Variants in NEK10 observed in about 807,000 individuals in gnomAD.
NEK10 encodes serine/threonine-protein kinase Nek10.
NEK10 carries 122 observed loss-of-function variants against 159.8 expected under a neutral mutation model. The observed-to-expected ratio is 0.76, with a 90% CI of 0.66 to 0.89. The LOEUF (loss-of-function observed/expected upper bound fraction) is 0.89, where lower values mean the gene tolerates loss of function less well. NEK10 is among the 40% of genes least tolerant of loss of function. The pLI, the probability that NEK10 is intolerant of heterozygous loss-of-function variation, is 0.00. For missense variants in NEK10, 1,342 were observed against 1,323.1 expected (o/e 1.01, Z -0.22); for synonymous variants, 466 against 457.1 (o/e 1.02, Z -0.25).
chr3:27,195,512 T>C (rs759021319), intron 25 of NEK10, among the ~76,000 whole-genome samples: 8 of 152,210 alleles, frequency 5.3e-5, no homozygotes, highest in Non-Finnish European at 8.8e-5. Flanking sequence ...TAAATGAAAA[T>C]AAATTTATTA....
chr3:27,128,937 C>T (rs1223368988), intron 32 of NEK10, among the ~76,000 whole-genome samples: 1 of 152,096 alleles, frequency 6.6e-6, no homozygotes, highest in East Asian at 1.9e-4. Context: ...AGTTTCTCGA[C>T]TATTTCAATG....
intron 3 of NEK10, among the ~76,000 whole-genome samples, chr3:27,348,717 C>G (rs903424881): frequency 9.2e-5 from 14 of 152,098 alleles, no homozygotes; most frequent in Non-Finnish European, 1.2e-4. Flanking sequence ...ACCTCTCTTT[C>G]AAAACTTATC....
intron 14 of NEK10, among the ~76,000 whole-genome samples, chr3:27,295,996 A>T (rs187611060): frequency 6.6e-6 from 1 of 152,302 alleles, no homozygotes; most frequent in African/African-American, 2.4e-5. Context: ...GACAGAGTAA[A>T]GGTGTCCCAA....
At position 27,212,988 on chromosome 3, in the gene NEK10, T is replaced by C. The variant is rs557707503; in HGVS notation, c.2091-10431A>G. ...ACAGGAAATATCCTCTCCATTTACA[T>C]TGGGCATACCCCAAGTAAATGACTG... On this transcript the variant is annotated intron_variant, in intron 23 of 35. Coordinates refer to ENST00000691995, the MANE Select transcript of NEK10 (RefSeq NM_001394966.1). Among the ~76,000 whole-genome samples, 38 of 89,850 alleles carry C rather than the reference T, an allele frequency of 4.2e-4. No individual in the cohort carries two copies. In the East Asian group the frequency reaches 5.3e-3, roughly 13 times the overall value. 58.9% of individuals were successfully genotyped at this position (89,850 alleles called of 152,430 possible).
intron 25 of NEK10, among the ~76,000 whole-genome samples, chr3:27,195,796 C>T (rs1949507888): frequency 6.6e-6 from 1 of 152,100 alleles, no homozygotes; most frequent in Admixed American, 6.5e-5. Flanking sequence ...TCTCTCATTG[C>T]CCCCTTTACC....
chr3:27,361,388 G>C (rs989028964), intron 1 of NEK10, among the ~76,000 whole-genome samples: 6 of 152,106 alleles, frequency 3.9e-5, no homozygotes, highest in Non-Finnish European at 8.8e-5. Flanking sequence ...ATATTGAAAA[G>C]AGGAAAAAAG....
intron 23 of NEK10, among the ~76,000 whole-genome samples, chr3:27,231,002 G>A (rs1011951718): frequency 6.6e-6 from 1 of 151,848 alleles, no homozygotes; most frequent in African/African-American, 2.4e-5. Flanking sequence ...CTATATCCTA[G>A]AACAAATGGA....
At chr3:27,257,788 CTTTTTTTTTT>C (rs79727702) in intron 22 of NEK10, among the ~76,000 whole-genome samples, 23,893 of 130,718 alleles carry the variant, frequency 0.18, 2,115 homozygotes, top group Middle Eastern at 0.22. Flanking sequence ...TTTCTTTTTT[CTTTTTTTTTT>C]TTTTTTTTGA....
chr3:27,196,701 G>A (rs946425554), intron 25 of NEK10, among the ~76,000 whole-genome samples: 4 of 152,184 alleles, frequency 2.6e-5, no homozygotes, highest in Admixed American at 1.3e-4. Context: ...TCAAAGCAAC[G>A]TCTCTGAACC....
At chr3:27,117,545 T>C (rs955563707) in intron 33 of NEK10, among the ~76,000 whole-genome samples, 3 of 152,198 alleles carry the variant, frequency 2.0e-5, no homozygotes, top group African/African-American at 4.8e-5. Context: ...TGGTTTCTCA[T>C]TGTGGTTTTG....
chr3:27,331,246 A>AAAACAAAAAAAAAC (rs1335674334), intron 5 of NEK10, among the ~76,000 whole-genome samples: 9 of 127,994 alleles, frequency 7.0e-5, no homozygotes, highest in African/African-American at 2.3e-4. Flanking sequence ...TCAAAAAAAA[A>AAAACAAAAAAAAAC]AAAACAAAAA....
chr3:27,201,043 G>T (rs1950000408), intron 25 of NEK10, among the ~76,000 whole-genome samples: 1 of 152,154 alleles, frequency 6.6e-6, no homozygotes, highest in African/African-American at 2.4e-5. Flanking sequence ...GATAGCTGGA[G>T]CTCCTGATTC....
At chr3:27,124,464 T>G (rs1941708215) in intron 32 of NEK10, among the ~76,000 whole-genome samples, 1 of 152,176 alleles carries the variant, frequency 6.6e-6, no homozygotes, top group Admixed American at 6.5e-5. Context: ...TCTAGCTGAT[T>G]CTTACAACTA....
intron 31 of NEK10, among the ~76,000 whole-genome samples, chr3:27,139,691 T>A (rs1021845594): frequency 3.9e-5 from 6 of 152,124 alleles, no homozygotes; most frequent in African/African-American, 1.4e-4. Context: ...GAGTAAAACT[T>A]GTACTTAACC....
At chr3:27,228,801 T>C (rs770390116) in intron 23 of NEK10, among the ~76,000 whole-genome samples, 1 of 152,174 alleles carries the variant, frequency 6.6e-6, no homozygotes, top group African/African-American at 2.4e-5. Context: ...CTGATCTGAA[T>C]AGCTGGAACT....
intron 7 of NEK10, among the ~76,000 whole-genome samples, chr3:27,313,266 AAAAAAAAAAAG>A (rs1221022643): frequency 2.7e-5 from 3 of 112,418 alleles, no homozygotes. Context: ...CCCTATCTCA[AAAAAAAAAAAG>A]AAAAAGAAAG....
At chr3:27,194,181 A>T (rs767612583) in intron 25 of NEK10, 1 of 145,726 alleles carries the variant, frequency 6.9e-6, no homozygotes, top group Non-Finnish European at 1.5e-5. Context: ...TCTGGAGTGC[A>T]GTGGCGCAGT....
At chr3:27,246,827 AAGTT>A (rs1251053458) in intron 23 of NEK10, among the ~76,000 whole-genome samples, 2 of 152,276 alleles carry the variant, frequency 1.3e-5, no homozygotes, top group East Asian at 3.9e-4. Flanking sequence ...TTCTTCGGTT[AAGTT>A]AATTCCTAGG....
intron 23 of NEK10, chr3:27,206,801 G>C (rs1273297892): frequency 5.1e-6 from 1 of 197,824 alleles, no homozygotes; most frequent in Non-Finnish European, 9.1e-6. Flanking sequence ...TTATTTTCTT[G>C]AATTTCAAGC....
Sources: gnomAD v4.1 joint callset for allele counts (sites outside exome capture counted in the v4.1 genomes callset) on GRCh38, gnomAD v4.1.1 for gene constraint, MANE v1.5 for transcripts, NCBI Gene and HGNC (gene_info 2026-07-23, HGNC 2026-07-21) for gene names.